Variants in CDK14 observed in about 807,000 individuals in gnomAD.
CDK14 encodes cyclin-dependent kinase 14.
CDK14 carries 34 observed loss-of-function variants against 60.7 expected under a neutral mutation model. That is an observed-to-expected ratio of 0.56 (90% CI 0.43 to 0.75). The LOEUF (loss-of-function observed/expected upper bound fraction) is 0.75, where lower values mean the gene tolerates loss of function less well. CDK14 is among the 30% of genes least tolerant of loss of function. The probability of loss-of-function intolerance (pLI) is 0.00; values close to 1 mark genes in which losing one functional copy is unlikely to be tolerated. For synonymous variants in CDK14, 197 were observed against 203.7 expected, an observed-to-expected ratio of 0.97 and a Z score of 0.28; for missense variants, 482 against 564.1, an observed-to-expected ratio of 0.85 and a Z score of 1.47.
chr7:91,131,712 G>A (rs1382387635), intron 14 of CDK14, among the ~76,000 whole-genome samples: 1 of 152,078 alleles, frequency 6.6e-6, no homozygotes, highest in Non-Finnish European at 1.5e-5. Flanking sequence ...AATATATTTT[G>A]TAAACATGAA....
chr7:90,694,643 A>G (rs185144691), intron 2 of CDK14, among the ~76,000 whole-genome samples: 3 of 152,358 alleles, frequency 2.0e-5, no homozygotes, highest in East Asian at 1.9e-4. Flanking sequence ...TTACCATTCA[A>G]TGTAGTATTA....
intron 13 of CDK14, among the ~76,000 whole-genome samples, chr7:91,114,995 A>G (rs1799566076): frequency 1.3e-5 from 2 of 152,330 alleles, no homozygotes; most frequent in South Asian, 2.1e-4. Flanking sequence ...ATTAAATTTC[A>G]TATTAGCATA....
intron 11 of CDK14, among the ~76,000 whole-genome samples, chr7:91,073,045 T>G (rs934008543): frequency 3.9e-5 from 6 of 152,102 alleles, no homozygotes; most frequent in African/African-American, 1.4e-4. Flanking sequence ...TACAATTGAT[T>G]GGAGTACCTG....
intron 3 of CDK14, among the ~76,000 whole-genome samples, chr7:90,728,640 T>A (rs1346468496): frequency 6.6e-6 from 1 of 152,172 alleles, no homozygotes; most frequent in East Asian, 1.9e-4. Context: ...ATTTCTGGAT[T>A]TCCTTTGAGT....
chr7:90,709,844 G>A (rs1425730688), intron 2 of CDK14: 2 of 1,392,698 alleles, frequency 1.4e-6, no homozygotes, highest in Non-Finnish European at 1.9e-6. Context: ...GCTTGCTAGT[G>A]CAGAAAGATG....
chr7:91,095,244 C>T (rs906068821), intron 12 of CDK14, among the ~76,000 whole-genome samples: 1 of 152,304 alleles, frequency 6.6e-6, no homozygotes, highest in Non-Finnish European at 1.5e-5. Context: ...GTGTCCTTAG[C>T]GCCTACAACA....
At chr7:90,713,072 A>G (rs1009519869) in intron 2 of CDK14, among the ~76,000 whole-genome samples, 32 of 152,232 alleles carry the variant, frequency 2.1e-4, no homozygotes, top group African/African-American at 6.5e-4. Flanking sequence ...TTTGACAGAA[A>G]TAGTAGAGGG....
chr7:90,631,281 G>T lies in CDK14; in HGVS notation c.123+27032G>T, dbSNP rs572218203. Among the ~76,000 whole-genome samples, 6 of 152,254 alleles carry T rather than the reference G, an allele frequency of 3.9e-5. No individual in the cohort carries two copies. In the South Asian group the frequency reaches 1.2e-3, roughly 32 times the overall value. ...ATGTAGAAAATGCCTTGCTTACATG[G>T]TGACTCTTAGCCAGGGCTCCTCAGA... On this transcript the variant is annotated intron_variant, in intron 2 of 14. Transcript: ENST00000380050.
intron 10 of CDK14, among the ~76,000 whole-genome samples, chr7:91,038,436 T>C (rs1796992945): frequency 6.6e-6 from 1 of 152,234 alleles, no homozygotes; most frequent in African/African-American, 2.4e-5. Context: ...AATAGACGTT[T>C]ATCAAATTTT....
intron 2 of CDK14, among the ~76,000 whole-genome samples, chr7:90,652,223 G>A (rs1010006401): frequency 5.3e-5 from 8 of 152,038 alleles, no homozygotes; most frequent in African/African-American, 9.7e-5. Context: ...ATTAAAATTT[G>A]AAGTACTTGC....
chr7:90,996,953 T>G (rs1562861616), intron 10 of CDK14, among the ~76,000 whole-genome samples: 1 of 152,214 alleles, frequency 6.6e-6, no homozygotes, highest in Non-Finnish European at 1.5e-5. Context: ...AGAATTGGTT[T>G]AGAGACACAT....
At chr7:90,791,650 C>G (rs922614064) in intron 5 of CDK14, among the ~76,000 whole-genome samples, 28 of 152,122 alleles carry the variant, frequency 1.8e-4, no homozygotes, top group Non-Finnish European at 3.5e-4. Context: ...ACCTCTTATT[C>G]TCCTTTTCAT....
At chr7:90,650,013 A>G (rs1410649108) in intron 2 of CDK14, among the ~76,000 whole-genome samples, 1 of 152,178 alleles carries the variant, frequency 6.6e-6, no homozygotes, top group Non-Finnish European at 1.5e-5. Context: ...TTCTAGTTCT[A>G]GATCCTTGAG....
intron 7 of CDK14, among the ~76,000 whole-genome samples, chr7:90,915,745 A>G (rs1169777841): frequency 6.6e-6 from 1 of 152,190 alleles, no homozygotes; most frequent in Non-Finnish European, 1.5e-5. Flanking sequence ...CTGCCACTTA[A>G]TTGCTGTGTG....
chr7:90,958,917 A>G (rs182018493), intron 9 of CDK14, among the ~76,000 whole-genome samples: 110 of 152,194 alleles, frequency 7.2e-4, no homozygotes, highest in Middle Eastern at 3.4e-3. Context: ...ACTAGTGGCT[A>G]ATTTTTCCCA....
intron 2 of CDK14, among the ~76,000 whole-genome samples, chr7:90,656,229 A>G (rs1259329916): frequency 6.6e-6 from 1 of 152,166 alleles, no homozygotes; most frequent in Non-Finnish European, 1.5e-5. Flanking sequence ...TTGAGTTACA[A>G]TGGGGAATGT....
chr7:90,778,648 A>G (rs575614586), intron 4 of CDK14, among the ~76,000 whole-genome samples: 1 of 151,394 alleles, frequency 6.6e-6, no homozygotes, highest in Non-Finnish European at 1.5e-5. Flanking sequence ...TTCCACCCAC[A>G]CCTCACTAGC....
At chr7:90,872,394 G>C (rs1284487982) in intron 6 of CDK14, among the ~76,000 whole-genome samples, 1 of 152,160 alleles carries the variant, frequency 6.6e-6, no homozygotes, top group Non-Finnish European at 1.5e-5. Flanking sequence ...TGTAAACATT[G>C]TGGATGACTG....
chr7:90,738,646 C>G (rs1056939873), intron 3 of CDK14, among the ~76,000 whole-genome samples: 7 of 152,190 alleles, frequency 4.6e-5, no homozygotes, highest in Admixed American at 1.3e-4. Flanking sequence ...ATTTCCACGT[C>G]TCTAAAGTGG....
Sources: gnomAD v4.1 joint callset for allele counts (sites outside exome capture counted in the v4.1 genomes callset) on GRCh38, gnomAD v4.1.1 for gene constraint, MANE v1.5 for transcripts, NCBI Gene and HGNC (gene_info 2026-07-23, HGNC 2026-07-21) for gene names.